TTC7A: variants seen among roughly 807,000 people sequenced by gnomAD.
TTC7A encodes tetratricopeptide repeat domain 7A.
Under a neutral mutation model 103.7 loss-of-function variants are expected in TTC7A, and 110 were observed. The observed-to-expected ratio is 1.06, with a 90% confidence interval of 0.91 to 1.24. The LOEUF (loss-of-function observed/expected upper bound fraction) is 1.24, where lower values mean the gene tolerates loss of function less well. Among genes scored for constraint, TTC7A ranks in the 50% most tolerant of loss-of-function variants. TTC7A has a pLI of 0.00. For missense variants in TTC7A, 1,340 were observed against 1,116.3 expected (o/e 1.20, Z -2.86); for synonymous variants, 521 against 467.9 (o/e 1.11, Z -1.47).
At chr2:46,970,509 C>T (rs1362897994) in intron 3 of TTC7A, among the ~76,000 whole-genome samples, 3 of 152,210 alleles carry the variant, frequency 2.0e-5, no homozygotes, top group Admixed American at 1.3e-4. Context: ...GTGCTGGACC[C>T]GGAGGTGTGG....
chr2:46,991,443 G>A (rs1346398302), intron 5 of TTC7A, among the ~76,000 whole-genome samples: 2 of 151,970 alleles, frequency 1.3e-5, no homozygotes, highest in East Asian at 3.9e-4. Flanking sequence ...AGACCAGGCT[G>A]GGCAACATAG....
chr2:46,956,605 C>G, intron 2 of TTC7A: 1 of 551,504 alleles, frequency 1.8e-6, no homozygotes, highest in Admixed American at 3.1e-5. Context: ...AACGCACACA[C>G]ATGAAACAAT....
chr2:47,037,743 G>A (rs1303234318), intron 15 of TTC7A, among the ~76,000 whole-genome samples: 1 of 152,184 alleles, frequency 6.6e-6, no homozygotes, highest in African/African-American at 2.4e-5. Flanking sequence ...AGAAACTCAT[G>A]ATTCCCCTTT....
At chr2:46,967,017 A>G (rs1672920305) in intron 3 of TTC7A, among the ~76,000 whole-genome samples, 1 of 151,794 alleles carries the variant, frequency 6.6e-6, no homozygotes, top group East Asian at 1.9e-4. Flanking sequence ...GTTCAAGACC[A>G]GCCTGGCCAA....
In TTC7A at chr2:47,007,855, C is replaced by G. The variant is rs890114422; in HGVS notation, c.1287+1131C>G. Among the ~76,000 whole-genome samples, 1 of 152,228 alleles carries G rather than the reference C, an allele frequency of 6.6e-6. No homozygotes were observed. The highest frequency in any genetic ancestry group is 2.4e-5 in the African/African-American group (1 of 41,462). On this transcript the variant is annotated intron_variant, in intron 10 of 19. Coordinates refer to ENST00000319190, the MANE Select transcript of TTC7A (RefSeq NM_020458.4). This position sits in a 1 kb window ranked among gnomAD's most constrained non-coding sequence, Gnocchi z 4.9. ...TGAAGTCACAGCATGATCTCCTTGGCTCTGTGCTCAGCAGGGTCTTGTCAA... is the reference window on the plus strand; with the variant it reads ...TGAAGTCACAGCATGATCTCCTTGGGTCTGTGCTCAGCAGGGTCTTGTCAA...
chr2:47,003,444 A>T (rs965691974), intron 8 of TTC7A, among the ~76,000 whole-genome samples: 1 of 152,020 alleles, frequency 6.6e-6, no homozygotes, highest in Admixed American at 6.5e-5. Context: ...AAGATGGGCC[A>T]TGGTGACTGT....
intron 3 of TTC7A, among the ~76,000 whole-genome samples, chr2:46,970,873 T>C (rs920678987): frequency 6.6e-6 from 1 of 152,210 alleles, no homozygotes; most frequent in Non-Finnish European, 1.5e-5. Flanking sequence ...CCTGGGTCTT[T>C]GTGTTGAGCA....
At chr2:46,988,933 T>C (rs750152661) in intron 5 of TTC7A, among the ~76,000 whole-genome samples, 5 of 152,204 alleles carry the variant, frequency 3.3e-5, no homozygotes, top group African/African-American at 9.6e-5. Flanking sequence ...AACATAGGGA[T>C]TTATTTATTC....
intron 3 of TTC7A, among the ~76,000 whole-genome samples, chr2:46,970,059 G>C (rs991645210): frequency 2.6e-5 from 4 of 152,046 alleles, no homozygotes; most frequent in Admixed American, 6.6e-5. Flanking sequence ...GCATAATCTT[G>C]GCTTACTGCA....
chr2:47,028,407 G>C (rs369158280), intron 14 of TTC7A, among the ~76,000 whole-genome samples: 4 of 152,258 alleles, frequency 2.6e-5, no homozygotes, highest in African/African-American at 7.2e-5. Flanking sequence ...TGCAGGGTTG[G>C]CGGGAGCAGT....
chr2:47,035,096 G>A (rs537763603), intron 15 of TTC7A, among the ~76,000 whole-genome samples: 5 of 152,240 alleles, frequency 3.3e-5, no homozygotes, highest in South Asian at 2.1e-4. Flanking sequence ...TTCAGGTGGC[G>A]CTTGTTGTAT....
At position 47,060,767 on chromosome 2, in the gene TTC7A, A is replaced by G; in HGVS notation, c.2153-2A>G. On this transcript the variant is annotated splice_acceptor_variant, in intron 18 of 19. Coordinates refer to ENST00000319190, the MANE Select transcript of TTC7A (RefSeq NM_020458.4). LOFTEE classifies it high-confidence loss of function. ...CCTCCCACTGCCCTTCTGCTTTTGC[A>G]GCTGAGCTGTTCATGGAGCAGCAGC... is the stretch of plus-strand genomic sequence containing the variant. 1 of 1,596,042 alleles carries G rather than the reference A, an allele frequency of 6.3e-7. No homozygotes were observed. Among genetic ancestry groups the G allele is most frequent in the South Asian group, 1.1e-5 (1 of 89,686 alleles).
chr2:46,944,448 T>C (rs540991040), intron 1 of TTC7A, among the ~76,000 whole-genome samples: 1 of 145,518 alleles, frequency 6.9e-6, no homozygotes, highest in African/African-American at 2.5e-5. Context: ...GGTATAATTA[T>C]AGCTTACTAC....
At chr2:46,927,513 C>T (rs575279989) in intron 2 of TTC7A, among the ~76,000 whole-genome samples, 68 of 152,056 alleles carry the variant, frequency 4.5e-4, no homozygotes, top group African/African-American at 1.3e-3. Flanking sequence ...TCCGCCACCA[C>T]GCCCGGCTAA....
At chr2:47,028,499 C>T (rs1680162643) in intron 14 of TTC7A, among the ~76,000 whole-genome samples, 1 of 152,186 alleles carries the variant, frequency 6.6e-6, no homozygotes, top group Admixed American at 6.5e-5. Flanking sequence ...TGCCCTCTTT[C>T]ATGCAGTGCT....
At chr2:47,059,861 A>G (rs1238733145) in intron 18 of TTC7A, among the ~76,000 whole-genome samples, 7 of 152,078 alleles carry the variant, frequency 4.6e-5, no homozygotes, top group Admixed American at 4.6e-4. Context: ...AAAGTGGGGT[A>G]ATAAAAGTAC....
intron 15 of TTC7A, chr2:47,035,638 GGAAA>G: frequency 6.6e-6 from 1 of 152,240 alleles, no homozygotes; most frequent in Non-Finnish European, 1.5e-5. Context: ...GGGGAAGAGA[GGAAA>G]GAAAGGAAAG....
chr2:47,015,201 G>A (rs6739975), intron 11 of TTC7A, among the ~76,000 whole-genome samples: 66,389 of 152,212 alleles, frequency 0.44, 14,989 homozygotes, highest in East Asian at 0.76. Context: ...CCAGCCTCCT[G>A]CCAGGGTCCC....
At chr2:47,024,114 C>T (rs2104561880) in intron 13 of TTC7A, among the ~76,000 whole-genome samples, 173 bp from the exon 14 acceptor site, 1 of 152,330 alleles carries the variant, frequency 6.6e-6, no homozygotes, top group South Asian at 2.1e-4. Flanking sequence ...CTGTGGGCCG[C>T]CTTCCTTGGT....
Sources: allele counts gnomAD v4.1 joint callset (sites outside exome capture counted in the v4.1 genomes callset), GRCh38; gene constraint gnomAD v4.1.1; non-coding constraint Gnocchi (gnomAD v3.1); transcripts MANE v1.5; gene names NCBI Gene and HGNC (gene_info 2026-07-23, HGNC 2026-07-21).